The following SH3GL3 variants were observed in gnomAD, a reference collection of about 807,000 sequenced individuals.
SH3GL3 encodes SH3 domain containing GRB2 like 3, endophilin A3, also known as endophilin-A3.
A neutral mutation model predicts 47.7 loss-of-function variants in SH3GL3; 33 were observed. The observed-to-expected ratio is 0.69, with a 90% CI of 0.52 to 0.92. The LOEUF (loss-of-function observed/expected upper bound fraction) is 0.92. SH3GL3 is among the 40% of genes least tolerant of loss of function. The pLI is 0.00. For missense variants in SH3GL3, 363 were observed against 417.8 expected (o/e 0.87, Z 1.14); for synonymous variants, 155 against 148.8 (o/e 1.04, Z -0.30).
chr15:83,524,832 A>G (rs2043347895), intron 1 of SH3GL3, among the ~76,000 whole-genome samples: 1 of 152,122 alleles, frequency 6.6e-6, no homozygotes, highest in Admixed American at 6.6e-5. Context: ...GTTGCTGCAA[A>G]TAACAGGATT....
chr15:83,527,267 T>C (rs938257033), intron 1 of SH3GL3, among the ~76,000 whole-genome samples: 28 of 152,206 alleles, frequency 1.8e-4, no homozygotes, highest in Admixed American at 9.8e-4. Context: ...CCAATGTTTC[T>C]TTGTTAATTT....
At chr15:83,572,728 T>G (rs2059574127) in intron 5 of SH3GL3, 30 bp downstream of exon 5, 2 of 1,498,892 alleles carry the variant, frequency 1.3e-6, no homozygotes, top group Non-Finnish European at 1.8e-6. Flanking sequence ...AATATACCTG[T>G]TGCTACATAA....
At chr15:83,577,898 G>A (rs959664050) in intron 6 of SH3GL3, among the ~76,000 whole-genome samples, 1 of 152,238 alleles carries the variant, frequency 6.6e-6, no homozygotes, top group Non-Finnish European at 1.5e-5. Flanking sequence ...GGTTAAGGGA[G>A]AACAGCTCTC....
intron 8 of SH3GL3, 46 bp downstream of exon 8, chr15:83,588,817 C>A: frequency 1.0e-6 from 1 of 958,886 alleles, no homozygotes; most frequent in African/African-American, 1.6e-5. Flanking sequence ...TAGTAAAGCA[C>A]TTCTAGAAAC....
intron 1 of SH3GL3, among the ~76,000 whole-genome samples, chr15:83,502,583 A>G (rs2042339813): frequency 2.0e-5 from 3 of 152,156 alleles, no homozygotes; most frequent in Non-Finnish European, 4.4e-5. Context: ...TATTGAGGCA[A>G]AGTCTCAGTC....
Position 83,586,978 on chromosome 15 carries a change from T to G in SH3GL3, c.625-5T>G, listed in dbSNP as rs1438630568. 2 of 1,577,658 alleles carry G rather than the reference T, an allele frequency of 1.3e-6. No individual in the cohort carries two copies. Among genetic ancestry groups the G allele is most frequent in the South Asian group, 1.1e-5 (1 of 88,270 alleles). On this transcript the variant is annotated splice_region_variant and splice_polypyrimidine_tract_variant and intron_variant, in intron 6 of 8. Transcript: ENST00000427482. The stretch of plus-strand genomic sequence containing the variant: ...CCATGGAATAATTTTGCACTTCTGC[T>G]GCAGGTAGAACAAGTCAGCCAGTTG...
chr15:83,618,837 G>A (rs183483371), downstream of SH3GL3: 277 of 158,492 alleles, frequency 1.7e-3, 2 homozygotes, highest in Non-Finnish European at 2.9e-3. Flanking sequence ...GTGTCACAGC[G>A]CAGATGCTTA....
intron 1 of SH3GL3, among the ~76,000 whole-genome samples, chr15:83,536,712 T>C (rs370827144): frequency 3.3e-5 from 5 of 152,288 alleles, no homozygotes; most frequent in African/African-American, 1.2e-4. Flanking sequence ...AATAAGCAAT[T>C]CTGATTTCAG....
rs1473624747 is a variant in SH3GL3 at position 83,576,667 on chromosome 15, A to G, written c.550A>G (p.Arg184Gly). The change falls in exon 6 of 9, where the codon AGA becomes GGA. Residue 184 changes from arginine to glycine, a missense_variant. Transcript: ENST00000427482. ...AGGTAAGATACCAGACGAAGAAGTC[A>G]GACAAGCGGTAGAAAAATTTGAAGA... ...RVGKIPDEEV[R>G]QAVEKFEESK... 1 of 1,613,928 alleles carries G rather than the reference A, an allele frequency of 6.2e-7. No homozygotes were observed. The highest frequency in any genetic ancestry group is 1.7e-5 in the Admixed American group (1 of 60,016).
chr15:83,473,812 G>C (rs2040962804), intron 1 of SH3GL3, among the ~76,000 whole-genome samples: 1 of 150,876 alleles, frequency 6.6e-6, no homozygotes, highest in African/African-American at 2.4e-5. Flanking sequence ...CTCCCAAAGT[G>C]CTGGGATTAC....
chr15:83,572,368 G>C (rs544579804), intron 4 of SH3GL3, among the ~76,000 whole-genome samples, 197 bp from the exon 5 acceptor site: 1 of 152,310 alleles, frequency 6.6e-6, no homozygotes, highest in South Asian at 2.1e-4. Flanking sequence ...TGAAAGTGCA[G>C]ACCATAGAGA....
intron 1 of SH3GL3, among the ~76,000 whole-genome samples, chr15:83,493,541 C>G (rs891226881): frequency 6.6e-6 from 1 of 152,186 alleles, no homozygotes; most frequent in Non-Finnish European, 1.5e-5. Context: ...CATGGCCCTC[C>G]TCCATGCTGG....
chr15:83,597,487 T>C (rs929245655), intron 8 of SH3GL3, among the ~76,000 whole-genome samples: 2 of 152,198 alleles, frequency 1.3e-5, no homozygotes, highest in African/African-American at 2.4e-5. Context: ...CCTACCATGA[T>C]AGTGTTCAAA....
At chr15:83,493,147 G>A (rs1196637079) in intron 1 of SH3GL3, among the ~76,000 whole-genome samples, 1 of 152,100 alleles carries the variant, frequency 6.6e-6, no homozygotes, top group African/African-American at 2.4e-5. Context: ...AAAAAAGAGT[G>A]CTTATCTGCT....
chr15:83,513,621 C>T (rs2042862873), intron 1 of SH3GL3, among the ~76,000 whole-genome samples: 1 of 152,184 alleles, frequency 6.6e-6, no homozygotes, highest in Non-Finnish European at 1.5e-5. Context: ...TCATGCTCCA[C>T]CGCAGACTGT....
In SH3GL3 at chr15:83,572,663, C is replaced by G. The variant is rs758844147; in HGVS notation, c.430C>G (p.Gln144Glu). 5.0e-6 allele frequency: 8 copies of G among 1,610,086 alleles called. No homozygotes were observed. Among genetic ancestry groups the G allele is most frequent in the South Asian group, 2.2e-5 (2 of 90,980 alleles). Reference protein sequence around the residue: ...NVKQTFIDPLQLLQDKDLKEI... With the variant: ...NVKQTFIDPLELLQDKDLKEI... ...AAAGCAAACTTTTATTGATCCACTTCAGTTACTACAAGATAAAGATTTAAA... is the reference window on the plus strand; with the variant it reads ...AAAGCAAACTTTTATTGATCCACTTGAGTTACTACAAGATAAAGATTTAAA... Residue 144 changes from glutamine (Q) to glutamate (E), a missense_variant, in exon 5 of 9, where the codon CAG becomes GAG. Transcript: ENST00000427482.
At chr15:83,611,870 T>TGCCATTTCAAGGTAGCTCAGTC (rs376659628) in intron 8 of SH3GL3, among the ~76,000 whole-genome samples, 3 of 150,364 alleles carry the variant, frequency 2.0e-5, no homozygotes, top group East Asian at 2.1e-4. Context: ...CATGGTGACT[T>TGCCATTTCAAGGTAGCTCAGTC]TTGTGTCAAG....
At chr15:83,525,275 AT>A (rs1490338891) in intron 1 of SH3GL3, among the ~76,000 whole-genome samples, 1 of 151,672 alleles carries the variant, frequency 6.6e-6, no homozygotes, top group African/African-American at 2.4e-5. Context: ...ATTTTTTCAT[AT>A]ATCTTTTAGC....
At chr15:83,591,744 G>A (rs2060104986) in intron 8 of SH3GL3, among the ~76,000 whole-genome samples, 1 of 152,050 alleles carries the variant, frequency 6.6e-6, no homozygotes, top group Non-Finnish European at 1.5e-5. Context: ...GGAGTGCAGT[G>A]GCGCCATCTC....
Sources: allele counts gnomAD v4.1 joint callset (sites outside exome capture counted in the v4.1 genomes callset), GRCh38; gene constraint gnomAD v4.1.1; transcripts MANE v1.5; gene names NCBI Gene and HGNC (gene_info 2026-07-23, HGNC 2026-07-21).